PDGFA: variants seen among roughly 807,000 people sequenced by gnomAD.
The protein encoded by PDGFA is platelet derived growth factor subunit A, also known as platelet-derived growth factor subunit A.
PDGFA carries 9 observed loss-of-function variants against 25.6 expected under a neutral mutation model. The ratio of observed to expected loss-of-function variants is 0.35; its 90% CI spans 0.21 to 0.61. PDGFA has a LOEUF of 0.61. Ranked by LOEUF, PDGFA falls within the 20% of genes least tolerant of loss-of-function variation. The probability of loss-of-function intolerance (pLI) is 0.75; values close to 1 mark genes in which losing one functional copy is unlikely to be tolerated. For synonymous variants in PDGFA, 133 were observed against 111.8 expected (o/e 1.19, Z -1.20); for missense variants, 242 against 272.8 (o/e 0.89, Z 0.79).
chr7:506,265 A>G (rs978482881), intron 4 of PDGFA, among the ~76,000 whole-genome samples: 2 of 151,710 alleles, frequency 1.3e-5, no homozygotes, highest in Non-Finnish European at 2.9e-5. Flanking sequence ...CCAACAAAGC[A>G]AGACCCTGTC....
At chr7:509,901 A>G (rs958538769) in intron 4 of PDGFA, among the ~76,000 whole-genome samples, 2 of 152,154 alleles carry the variant, frequency 1.3e-5, no homozygotes, top group Non-Finnish European at 2.9e-5. Context: ...CTGGGATTCT[A>G]TGGAAGGAAG....
rs1404984183 is a variant in PDGFA, at chr7:517,452, G to C, written c.102C>G (p.Ala34=). The C allele has an allele frequency of 7.2e-7, 1 of 1,383,394 alleles. No homozygotes were observed. The highest frequency in any genetic ancestry group is 9.5e-7 in the Non-Finnish European group (1 of 1,053,726). 85.7% of individuals were successfully genotyped at this position (1,383,394 alleles called of 1,614,324 possible). ...CCCGGATGCTGTGGATCTGACTGCG[G>C]GCCAGCCTCTCGATCACCTCGCGGG... Residue 34 remains alanine, a synonymous_variant, in exon 2 of 6, where the codon GCC becomes GCG. Coordinates refer to ENST00000402802, the Ensembl canonical transcript of PDGFA. This position sits in a 1 kb window ranked among gnomAD's most constrained non-coding sequence, Gnocchi z 7.4.
chr7:498,612 G>A lies in PDGFA; in HGVS notation c.581-38C>T, dbSNP rs372467498. 1.0e-3 allele frequency: 1,608 copies of A among 1,605,934 alleles called. 2 individuals are homozygous for A. Among genetic ancestry groups the A allele is most frequent in the Non-Finnish European group, 1.3e-3 (1,528 of 1,175,748 alleles). Reference sequence around the variant, plus strand: ...GGGAAAGACAGACACTGAGACCACCGACCAAGTGAACCACCCAGCACACAC... The same window carrying A: ...GGGAAAGACAGACACTGAGACCACCAACCAAGTGAACCACCCAGCACACAC... On this transcript the variant is annotated intron_variant, in intron 5 of 5. Transcript: ENST00000402802.
At chr7:520,694 C>T (rs917572958), upstream of PDGFA, 2 of 152,314 alleles carry the variant, frequency 1.3e-5, no homozygotes, top group Non-Finnish European at 2.9e-5. Context: ...CCACCTCCGG[C>T]CGAGGCGCAG....
In PDGFA at chr7:507,950, C is replaced by G. The variant is rs77810102; in HGVS notation, c.453+2859G>C. Among the ~76,000 whole-genome samples the G allele has an allele frequency of 5.2e-3, 787 of 152,250 alleles. 15 individuals carry two copies. The East Asian group carries it at 0.056, about 11-fold the overall frequency. ...GCCGCAGACAAGCACTCCCAGGGCC[C>G]TGGAAAAATCTTGGGGCTTCAAAAG... On this transcript the variant is annotated intron_variant, in intron 4 of 5. Transcript: ENST00000402802.
upstream of PDGFA, chr7:519,979 C>G (rs1370031618): frequency 2.8e-5 from 9 of 324,654 alleles, no homozygotes; most frequent in South Asian, 1.9e-4. Flanking sequence ...GCTCGGGGTT[C>G]GTGCGGACCC....
At chr7:513,952 C>T (rs1472591700) in intron 2 of PDGFA, among the ~76,000 whole-genome samples, 1 of 152,132 alleles carries the variant, frequency 6.6e-6, no homozygotes, top group East Asian at 1.9e-4. Flanking sequence ...TAAGAATTTC[C>T]CATCAACCAA....
intron 1 of PDGFA, chr7:518,502 G>T: frequency 6.3e-6 from 1 of 158,260 alleles, no homozygotes; most frequent in Non-Finnish European, 1.4e-5. Context: ...GCTGCAGCTT[G>T]GCGCTGCCCA....
At position 500,901 on chromosome 7, in the gene PDGFA, G is replaced by A. The variant is rs539789716; in HGVS notation, c.580+215C>T. 122 of 1,580,894 alleles carry A rather than the reference G, an allele frequency of 7.7e-5. No individual in the cohort carries two copies. In the South Asian group the frequency reaches 1.0e-3, roughly 13 times the overall value. ...CTGAATCTCCTCTCCTGCCAGTGCCGCAGCTTGGGCCACCCTCCCCACCGG... is the reference window on the plus strand; with the variant it reads ...CTGAATCTCCTCTCCTGCCAGTGCCACAGCTTGGGCCACCCTCCCCACCGG... On this transcript the variant is annotated intron_variant, in intron 5 of 5. Transcript: ENST00000402802. This position sits in a 1 kb window ranked among gnomAD's most constrained non-coding sequence, Gnocchi z 5.0.
At position 510,169 on chromosome 7, in the gene PDGFA, G is replaced by A. The variant is rs183089718; in HGVS notation, c.453+640C>T. On this transcript the variant is annotated intron_variant, in intron 4 of 5. Transcript: ENST00000402802. ...CCTCGCAAGGCCCAAAACGGCCCCC[G>A]CACTGTGGTCTAGGGCGTGGAAAGG... 1.6e-3 allele frequency among the ~76,000 whole-genome samples: 242 copies of A among 152,268 alleles called. 1 individual carries two copies. Among genetic ancestry groups the A allele is most frequent in the African/African-American group, 5.3e-3 (221 of 41,554 alleles).
At chr7:513,039 A>T (rs1782934598) in intron 2 of PDGFA, 1 of 181,572 alleles carries the variant, frequency 5.5e-6, no homozygotes, top group African/African-American at 2.3e-5. Context: ...TGCGGGCCAG[A>T]CCCCACTCAT....
At chr7:510,085 C>T (rs923480696) in intron 4 of PDGFA, among the ~76,000 whole-genome samples, 3 of 152,186 alleles carry the variant, frequency 2.0e-5, no homozygotes, top group African/African-American at 4.8e-5. Context: ...CTGAAGAGCC[C>T]GCACAGGACC....
In PDGFA at chr7:517,977, G is replaced by C. The variant is rs989023958; in HGVS notation, c.64-487C>G. On this transcript the variant is annotated intron_variant, in intron 1 of 5. Coordinates refer to ENST00000402802, the Ensembl canonical transcript of PDGFA. The surrounding 1 kb of genome is among the most constrained non-coding windows in gnomAD (Gnocchi z 7.4). The stretch of plus-strand genomic sequence containing the variant: ...GAATCCCGGGCCGAACCCGTGGAGA[G>C]GTCTCTCCGTCTCACAAACACACGC... Among the ~76,000 whole-genome samples, 1 of 152,084 alleles carries C rather than the reference G, an allele frequency of 6.6e-6. No individual in the cohort carries two copies. The highest frequency in any genetic ancestry group is 1.5e-5 in the Non-Finnish European group (1 of 68,012).
At chr7:509,002 C>T (rs1782687628) in intron 4 of PDGFA, among the ~76,000 whole-genome samples, 1 of 152,246 alleles carries the variant, frequency 6.6e-6, no homozygotes, top group Admixed American at 6.5e-5. Flanking sequence ...CAGAGAGGCG[C>T]AAACACAGGC....
chr7:500,824 G>A lies in PDGFA; in HGVS notation c.580+292C>T. 1 of 1,484,122 alleles carries A rather than the reference G, an allele frequency of 6.7e-7. No homozygotes were observed. The highest frequency in any genetic ancestry group is 9.0e-7 in the Non-Finnish European group (1 of 1,116,080). 91.9% of individuals were successfully genotyped at this position (1,484,122 alleles called of 1,614,324 possible). Reference sequence around the variant, plus strand: ...AGATTCTTCTCAGCTCAGCCCCGCAGCCCACTAATGAATTGGGTGTCTTAT... The same window carrying A: ...AGATTCTTCTCAGCTCAGCCCCGCAACCCACTAATGAATTGGGTGTCTTAT... On this transcript the variant is annotated intron_variant, in intron 5 of 5. Transcript: ENST00000402802. The surrounding 1 kb of genome is among the most constrained non-coding windows in gnomAD (Gnocchi z 5.0).
intron 4 of PDGFA, among the ~76,000 whole-genome samples, chr7:502,244 A>T (rs1362423823): frequency 6.6e-6 from 1 of 151,652 alleles, no homozygotes; most frequent in African/African-American, 2.4e-5. Flanking sequence ...AAAAAAATTT[A>T]AAGCCATGGC....
At chr7:503,471 A>G (rs1782438808) in intron 4 of PDGFA, among the ~76,000 whole-genome samples, 1 of 152,100 alleles carries the variant, frequency 6.6e-6, no homozygotes. Context: ...CCTCAGCCCA[A>G]GGCCAGATGC....
intron 4 of PDGFA, among the ~76,000 whole-genome samples, chr7:508,328 T>A (rs1367831318): frequency 2.0e-5 from 3 of 151,838 alleles, no homozygotes; most frequent in Non-Finnish European, 4.4e-5. Flanking sequence ...GGCTCAGCTG[T>A]CACCAAATCC....
intron 2 of PDGFA, among the ~76,000 whole-genome samples, chr7:513,652 G>C (rs527943809): frequency 1.3e-5 from 2 of 152,306 alleles, no homozygotes; most frequent in South Asian, 4.1e-4. Context: ...AATCCAGACG[G>C]CTAATGGGCT....
Sources: allele counts gnomAD v4.1 joint callset (sites outside exome capture counted in the v4.1 genomes callset), GRCh38; gene constraint gnomAD v4.1.1; non-coding constraint Gnocchi (gnomAD v3.1); transcripts MANE v1.5; gene names NCBI Gene and HGNC (gene_info 2026-07-23, HGNC 2026-07-21).